Variants in ECT2 observed in about 807,000 individuals in gnomAD.
ECT2 encodes protein ECT2.
In ECT2, 61 loss-of-function variants were observed where a neutral mutation model predicts 116.9. The observed-to-expected ratio is 0.52, with a 90% CI of 0.42 to 0.65. ECT2 has a LOEUF of 0.65. Ranked by LOEUF, ECT2 falls within the 30% of genes least tolerant of loss-of-function variation. The pLI is 0.00. For missense variants in ECT2, 937 were observed against 1,078.7 expected (o/e 0.87, Z 1.84); for synonymous variants, 358 against 346.4 (o/e 1.03, Z -0.37).
intron 18 of ECT2, among the ~76,000 whole-genome samples, chr3:172,797,018 C>CTCTGTGTG (rs3220403): frequency 7.2e-6 from 1 of 139,032 alleles, no homozygotes; most frequent in Non-Finnish European, 1.5e-5. Context: ...TCAGGTTCAA[C>CTCTGTGTG]TGTGTGTGTG....
chr3:172,829,136 G>C, the ECT2 span: 5 of 668,102 alleles, frequency 7.5e-6, no homozygotes, highest in Admixed American at 1.8e-5. Context: ...CAGTGGATCT[G>C]AGCCGGAGAA....
chr3:172,783,453 C>T (rs1420045468), intron 15 of ECT2, among the ~76,000 whole-genome samples: 2 of 151,852 alleles, frequency 1.3e-5, no homozygotes, highest in African/African-American at 4.8e-5. Flanking sequence ...GAATAAATAC[C>T]ATGCTTTTGG....
intron 18 of ECT2, among the ~76,000 whole-genome samples, chr3:172,798,084 TTC>T (rs1726058448): frequency 6.6e-6 from 1 of 152,168 alleles, no homozygotes; most frequent in Admixed American, 6.5e-5. Context: ...CTCAAAAGAT[TTC>T]TCTCATCTTG....
rs1463881833 is a variant in ECT2, at chr3:172,805,858, G to C, written c.2234G>C (p.Arg745Thr). The C allele has an allele frequency of 6.2e-7, 1 of 1,613,172 alleles. No homozygotes were observed. The highest frequency in any genetic ancestry group is 2.2e-5 in the East Asian group (1 of 44,836). ...LSQIKKVLDI[R>T]ETEDCHNAFA... ...CAGATTAAGAAGGTATTGGACATAA[G>C]AGAGACAGAAGGTATGCCGGTCGGA... The change falls in exon 21 of 25, where the codon AGA becomes ACA. Residue 745 changes from arginine to threonine, a missense_variant. Coordinates refer to ENST00000392692, the MANE Select transcript of ECT2 (RefSeq NM_001258315.2).
chr3:172,776,198 CTTT>C (rs60558773), intron 14 of ECT2, among the ~76,000 whole-genome samples: 7 of 111,584 alleles, frequency 6.3e-5, no homozygotes, highest in Non-Finnish European at 1.1e-4. Context: ...TCAGTTTTTT[CTTT>C]TTTTTTTTTT....
rs1258849026 is a variant in ECT2 at position 172,818,563 on chromosome 3, TC to T, written c.2656-1583del. On this transcript the variant is annotated intron_variant, in intron 24 of 24. Coordinates refer to ENST00000392692, the MANE Select transcript of ECT2 (RefSeq NM_001258315.2). ...GTTCTAACAGATTACCCATTCTGTT[TC>T]CACAAGCAATGTAATTGGATTTACT... 39 of 1,280,036 alleles carry T rather than the reference TC, an allele frequency of 3.0e-5. 1 individual carries two copies. Among genetic ancestry groups the T allele is most frequent in the Non-Finnish European group, 3.9e-5 (38 of 985,404 alleles). 79.3% of individuals were successfully genotyped at this position (1,280,036 alleles called of 1,614,324 possible).
At chr3:172,826,990 C>T in the ECT2 span, among the ~76,000 whole-genome samples, 9 of 152,120 alleles carry the variant, frequency 5.9e-5, no homozygotes, top group African/African-American at 1.4e-4. Context: ...TTTGAATAGA[C>T]GTGTTTCAAA....
chr3:172,768,108 T>C (rs920373059), intron 12 of ECT2, among the ~76,000 whole-genome samples: 2 of 152,198 alleles, frequency 1.3e-5, no homozygotes. Context: ...GGTTGTTTTA[T>C]ATTACGTTAA....
In ECT2 at chr3:172,769,066, T is replaced by C. The variant is rs1720106413; in HGVS notation, c.1351T>C (p.Ser451Pro). The C allele has an allele frequency of 6.2e-7, 1 of 1,613,480 alleles. No homozygotes were observed. The highest frequency in any genetic ancestry group is 1.3e-5 in the African/African-American group (1 of 74,924). The change falls in exon 13 of 25, where the codon TCA becomes CCA. Residue 451 changes from serine (S) to proline (P), a missense_variant. Ser to Pro is a moderately conservative substitution (Grantham distance 74, BLOSUM62 -1). Transcript: ENST00000392692. Reference sequence around the variant, plus strand: ...CTCCACTCCAGTTCCTTCAAAGCAGTCAGCAAGGTGGCAAGTTGCAAAAGA... The same window carrying C: ...CTCCACTCCAGTTCCTTCAAAGCAGCCAGCAAGGTGGCAAGTTGCAAAAGA... ...KSSTPVPSKQ[S>P]ARWQVAKELY...
intron 20 of ECT2, among the ~76,000 whole-genome samples, chr3:172,805,011 TATA>T (rs933007563): frequency 6.6e-6 from 1 of 152,022 alleles, no homozygotes; most frequent in African/African-American, 2.4e-5. Flanking sequence ...AATAAAAACT[TATA>T]ATCTTAAATA....
At chr3:172,827,825 T>C in the ECT2 span, among the ~76,000 whole-genome samples, 1,111 of 152,324 alleles carry the variant, frequency 7.3e-3, 13 homozygotes, top group African/African-American at 0.025. Flanking sequence ...CATTTTGGGA[T>C]TGGTGTTTTG....
chr3:172,822,774 A>G (rs1276254789), downstream of ECT2, among the ~76,000 whole-genome samples: 3 of 152,028 alleles, frequency 2.0e-5, no homozygotes, highest in East Asian at 5.8e-4. Flanking sequence ...AAAAATAGAG[A>G]CCTGGCTGAA....
intron 15 of ECT2, among the ~76,000 whole-genome samples, chr3:172,782,825 A>T (rs1040582446): frequency 6.6e-6 from 1 of 151,876 alleles, no homozygotes. Flanking sequence ...TTTGTTAAGG[A>T]TGATGCCCTC....
chr3:172,782,954 C>T (rs1013602324), intron 15 of ECT2, among the ~76,000 whole-genome samples: 8 of 151,884 alleles, frequency 5.3e-5, no homozygotes, highest in Non-Finnish European at 1.0e-4. Context: ...TTGATGGGCG[C>T]TTAGGTTGAC....
At chr3:172,760,474 G>A (rs1309393937) in intron 7 of ECT2, among the ~76,000 whole-genome samples, 4 of 151,556 alleles carry the variant, frequency 2.6e-5, no homozygotes, top group Non-Finnish European at 5.9e-5. Context: ...TAGAGATGGG[G>A]TGTTGCTCTG....
intron 18 of ECT2, among the ~76,000 whole-genome samples, chr3:172,793,203 G>A (rs1295853561): frequency 2.0e-5 from 3 of 152,072 alleles, no homozygotes; most frequent in African/African-American, 4.8e-5. Context: ...GTCTCACTCT[G>A]TCTCCAGGCT....
intron 18 of ECT2, among the ~76,000 whole-genome samples, chr3:172,802,176 G>A (rs1577004967): frequency 6.6e-6 from 1 of 152,006 alleles, no homozygotes; most frequent in Non-Finnish European, 1.5e-5. Context: ...GTGGAATGGT[G>A]TGATCTTGAC....
At chr3:172,754,193 G>A (rs1426118867) in intron 1 of ECT2, among the ~76,000 whole-genome samples, 4 of 152,066 alleles carry the variant, frequency 2.6e-5, no homozygotes, top group Admixed American at 2.0e-4. Context: ...AAGAGAAATT[G>A]GTTGAGGGCA....
intron 18 of ECT2, 81 bp from the exon 19 acceptor site, chr3:172,802,535 A>G: frequency 1.2e-6 from 1 of 863,248 alleles, no homozygotes; most frequent in South Asian, 1.9e-5. Context: ...CATTCACATC[A>G]AACACAACTT....
Sources: allele counts gnomAD v4.1 joint callset (sites outside exome capture counted in the v4.1 genomes callset), GRCh38; gene constraint gnomAD v4.1.1; transcripts MANE v1.5; gene names NCBI Gene and HGNC (gene_info 2026-07-23, HGNC 2026-07-21).